The following GRM7 variants were observed in gnomAD, a reference collection of about 807,000 sequenced individuals.
GRM7 encodes metabotropic glutamate receptor 7.
Under a neutral mutation model 84.5 loss-of-function variants are expected in GRM7, and 35 were observed. That is an observed-to-expected ratio of 0.41 (90% CI 0.32 to 0.55). The LOEUF is 0.55. Ranked by LOEUF, GRM7 falls within the 20% of genes least tolerant of loss-of-function variation. GRM7 has a pLI of 0.19. For synonymous variants in GRM7, 487 were observed against 455.1 expected, an observed-to-expected ratio of 1.07 and a Z score of -0.89; for missense variants, 1,003 against 1,194.6, an observed-to-expected ratio of 0.84 and a Z score of 2.36.
chr3:7,687,438 C>T (rs935428126), intron 9 of GRM7, among the ~76,000 whole-genome samples: 4 of 152,164 alleles, frequency 2.6e-5, no homozygotes, highest in South Asian at 4.1e-4. Flanking sequence ...TCCTCATCCA[C>T]GTGGAACAGG....
At chr3:7,595,701 T>G (rs1696006688) in intron 8 of GRM7, among the ~76,000 whole-genome samples, 1 of 149,146 alleles carries the variant, frequency 6.7e-6, no homozygotes, top group African/African-American at 2.5e-5. Context: ...TAACTGGGGG[T>G]GGGGGTAGGG....
intron 7 of GRM7, among the ~76,000 whole-genome samples, chr3:7,523,432 G>A (rs965596): frequency 0.31 from 46,427 of 151,996 alleles, 7,295 homozygotes; most frequent in Middle Eastern, 0.39. Flanking sequence ...TGTGCACTCT[G>A]TTTTGCTAGG....
chr3:7,622,588 C>T (rs1200728321), intron 8 of GRM7, among the ~76,000 whole-genome samples: 7 of 151,876 alleles, frequency 4.6e-5, no homozygotes, highest in Non-Finnish European at 8.8e-5. Flanking sequence ...ATAGAGAATA[C>T]GGTGGAATTG....
intron 4 of GRM7, among the ~76,000 whole-genome samples, chr3:7,354,108 A>G (rs1270199642): frequency 6.6e-6 from 1 of 152,152 alleles, no homozygotes; most frequent in African/African-American, 2.4e-5. Context: ...CCTTGAGAAA[A>G]GTCCTTTGTA....
intron 7 of GRM7, among the ~76,000 whole-genome samples, chr3:7,520,699 C>T (rs181679027): frequency 1.7e-4 from 26 of 152,254 alleles, no homozygotes; most frequent in African/African-American, 5.1e-4. Context: ...GTTTAAGACT[C>T]ATAATGTTGT....
At chr3:7,267,481 G>A (rs752725983) in intron 2 of GRM7, among the ~76,000 whole-genome samples, 1 of 152,224 alleles carries the variant, frequency 6.6e-6, no homozygotes, top group Non-Finnish European at 1.5e-5. Context: ...GTACCTTTGT[G>A]AGGGCTTAGT....
intron 1 of GRM7, among the ~76,000 whole-genome samples, chr3:7,130,044 C>T (rs888709248): frequency 2.0e-5 from 3 of 152,122 alleles, no homozygotes; most frequent in African/African-American, 7.2e-5. Flanking sequence ...GGCCATGTGG[C>T]TTTTGGTAAA....
At chr3:7,680,756 G>A (rs1321288500) in intron 9 of GRM7, 3 of 171,730 alleles carry the variant, frequency 1.7e-5, no homozygotes, top group South Asian at 3.0e-4. Context: ...TACTAATCAG[G>A]TCTTCTAGAA....
At chr3:7,736,665 A>G (rs2106530939) in intron 9 of GRM7, among the ~76,000 whole-genome samples, 1 of 152,268 alleles carries the variant, frequency 6.6e-6, no homozygotes, top group East Asian at 1.9e-4. Flanking sequence ...GATGGGGAAG[A>G]ACATGGAGTG....
intron 4 of GRM7, among the ~76,000 whole-genome samples, chr3:7,323,730 T>C (rs1188528443): frequency 6.6e-6 from 1 of 152,332 alleles, no homozygotes; most frequent in South Asian, 2.1e-4. Flanking sequence ...TCTATAAATA[T>C]AATCACATTG....
At chr3:7,018,652 G>A (rs892695853) in intron 1 of GRM7, among the ~76,000 whole-genome samples, 1 of 152,224 alleles carries the variant, frequency 6.6e-6, no homozygotes, top group Admixed American at 6.5e-5. Context: ...ACGTGCACCT[G>A]AGGGAAGCTA....
intron 7 of GRM7, among the ~76,000 whole-genome samples, chr3:7,504,183 G>A (rs188540107): frequency 2.0e-5 from 3 of 152,274 alleles, no homozygotes; most frequent in Admixed American, 2.0e-4. Context: ...ACCTCATAAG[G>A]ATTTTATTAT....
At chr3:6,925,442 G>GAATC (rs35959727) in intron 1 of GRM7, among the ~76,000 whole-genome samples, 1 of 151,768 alleles carries the variant, frequency 6.6e-6, no homozygotes, top group Non-Finnish European at 1.5e-5. Flanking sequence ...GGCCAAAATC[G>GAATC]AATCAATCAA....
At chr3:7,184,336 A>G (rs1695444289) in intron 2 of GRM7, among the ~76,000 whole-genome samples, 1 of 152,108 alleles carries the variant, frequency 6.6e-6, no homozygotes, top group Non-Finnish European at 1.5e-5. Flanking sequence ...TCCTTGCCTT[A>G]GATGTATTAA....
chr3:7,218,554 C>G (rs767041904), intron 2 of GRM7, among the ~76,000 whole-genome samples: 11 of 151,844 alleles, frequency 7.2e-5, no homozygotes, highest in Non-Finnish European at 1.5e-4. Flanking sequence ...TAAAATTTAC[C>G]TGTAATTTCC....
intron 1 of GRM7, among the ~76,000 whole-genome samples, chr3:6,980,570 T>G (rs1027089760): frequency 5.9e-5 from 9 of 152,182 alleles, no homozygotes; most frequent in Non-Finnish European, 2.9e-5. Context: ...ACTTCCACTG[T>G]TTTCTTATAA....
intron 2 of GRM7, among the ~76,000 whole-genome samples, chr3:7,224,958 T>G (rs1696934758): frequency 6.6e-6 from 1 of 152,210 alleles, no homozygotes; most frequent in African/African-American, 2.4e-5. Context: ...TATTCTCATA[T>G]TTTTGATAGT....
At chr3:7,322,799 A>G (rs908815664) in intron 4 of GRM7, among the ~76,000 whole-genome samples, 1 of 151,808 alleles carries the variant, frequency 6.6e-6, no homozygotes, top group Non-Finnish European at 1.5e-5. Flanking sequence ...TTTATACTCT[A>G]TATAGGGAGT....
intron 7 of GRM7, among the ~76,000 whole-genome samples, chr3:7,513,966 C>G (rs1300951550): frequency 6.6e-6 from 1 of 152,216 alleles, no homozygotes; most frequent in Non-Finnish European, 1.5e-5. Context: ...CAATATTTCA[C>G]TTTAGCAGAG....
Sources: gnomAD v4.1 joint callset for allele counts (sites outside exome capture counted in the v4.1 genomes callset) on GRCh38, gnomAD v4.1.1 for gene constraint, MANE v1.5 for transcripts, NCBI Gene and HGNC (gene_info 2026-07-23, HGNC 2026-07-21) for gene names.